Variants in SH2D4A observed in about 807,000 individuals in gnomAD.
SH2D4A encodes the protein SH2 domain-containing protein 4A.
A neutral mutation model predicts 64.7 loss-of-function variants in SH2D4A; 70 were observed. The ratio of observed to expected loss-of-function variants is 1.08; its 90% CI spans 0.89 to 1.32. The LOEUF is 1.32. Ranked by LOEUF, SH2D4A falls within the 40% of genes most tolerant of loss-of-function variation. SH2D4A has a pLI of 0.00. For missense variants in SH2D4A, 706 were observed against 540.1 expected (o/e 1.31, Z -3.04); for synonymous variants, 268 against 200.7 (o/e 1.34, Z -2.83).
At chr8:19,382,358 A>G (rs1585206781) in intron 8 of SH2D4A, among the ~76,000 whole-genome samples, 1 of 152,090 alleles carries the variant, frequency 6.6e-6, no homozygotes, top group Non-Finnish European at 1.5e-5. Flanking sequence ...TCCACTTACA[A>G]TGGTTTGACT....
At chr8:19,333,899 T>C (rs1348175477) in intron 3 of SH2D4A, among the ~76,000 whole-genome samples, 1 of 152,168 alleles carries the variant, frequency 6.6e-6, no homozygotes, top group Non-Finnish European at 1.5e-5. Context: ...CGGATGGTTC[T>C]TTGGGGAATG....
chr8:19,325,094 C>G (rs1418964322), intron 2 of SH2D4A, among the ~76,000 whole-genome samples: 1 of 152,136 alleles, frequency 6.6e-6, no homozygotes, highest in Non-Finnish European at 1.5e-5. Flanking sequence ...CCGGCGTCTG[C>G]TGGTCCTGCC....
chr8:19,317,447 G>A (rs1256762198), intron 1 of SH2D4A, among the ~76,000 whole-genome samples: 1 of 151,332 alleles, frequency 6.6e-6, no homozygotes, highest in African/African-American at 2.4e-5. Flanking sequence ...GGTTCCATTT[G>A]GATTCTGGTA....
intron 8 of SH2D4A, among the ~76,000 whole-genome samples, chr8:19,379,512 C>G (rs996347604): frequency 6.6e-6 from 1 of 152,166 alleles, no homozygotes; most frequent in African/African-American, 2.4e-5. Context: ...ACTCTGCTTT[C>G]AGTTCTTTTG....
chr8:19,393,988 A>C (rs966346859), intron 9 of SH2D4A, among the ~76,000 whole-genome samples: 3 of 152,112 alleles, frequency 2.0e-5, no homozygotes, highest in Non-Finnish European at 4.4e-5. Flanking sequence ...AGTTCAACAT[A>C]GTGTAGAATC....
At chr8:19,362,964 A>C (rs2052918447) in intron 6 of SH2D4A, among the ~76,000 whole-genome samples, 1 of 152,164 alleles carries the variant, frequency 6.6e-6, no homozygotes, top group Non-Finnish European at 1.5e-5. Flanking sequence ...ATCCCAGAGC[A>C]ACTTCCAGTC....
At chr8:19,324,064 A>G (rs1039526208) in intron 2 of SH2D4A, among the ~76,000 whole-genome samples, 3 of 152,234 alleles carry the variant, frequency 2.0e-5, no homozygotes, top group Admixed American at 2.0e-4. Context: ...CCTTCACTGG[A>G]CCTTAATGAC....
chr8:19,315,565 A>G (rs1008894823), intron 1 of SH2D4A, among the ~76,000 whole-genome samples: 6 of 152,252 alleles, frequency 3.9e-5, no homozygotes, highest in Admixed American at 6.5e-5. Context: ...AATCTATGGT[A>G]TCATGGAAAA....
intron 2 of SH2D4A, among the ~76,000 whole-genome samples, chr8:19,330,245 C>A (rs896456697): frequency 6.6e-6 from 1 of 152,174 alleles, no homozygotes; most frequent in South Asian, 2.1e-4. Flanking sequence ...AGAACAACTT[C>A]CCCCTCCTCC....
At chr8:19,314,170 G>A (rs2052045568) in intron 1 of SH2D4A, 2 of 941,248 alleles carry the variant, frequency 2.1e-6, no homozygotes, top group South Asian at 5.1e-5. Context: ...GACCTTCGGG[G>A]AAGTTCTGGA....
intron 3 of SH2D4A, 36 bp downstream of exon 3, chr8:19,333,150 C>T: frequency 6.3e-7 from 1 of 1,575,004 alleles, no homozygotes; most frequent in East Asian, 2.2e-5. Context: ...GACTTAAAGA[C>T]TCTCCAGACT....
intron 7 of SH2D4A, among the ~76,000 whole-genome samples, chr8:19,371,498 CTA>C (rs1223945477): frequency 6.6e-6 from 1 of 152,068 alleles, no homozygotes; most frequent in Admixed American, 6.6e-5. Context: ...TTAGGATCCT[CTA>C]TTTGTCTCTG....
chr8:19,369,740 CT>C (rs750455307), intron 7 of SH2D4A, among the ~76,000 whole-genome samples: 3 of 151,798 alleles, frequency 2.0e-5, no homozygotes, highest in Non-Finnish European at 4.4e-5. Context: ...TGTAGCTAAA[CT>C]TATGTGAGTT....
intron 4 of SH2D4A, among the ~76,000 whole-genome samples, chr8:19,349,570 G>A (rs1023378524): frequency 1.3e-4 from 20 of 152,188 alleles, no homozygotes; most frequent in African/African-American, 4.1e-4. Context: ...TTCCTGAGTC[G>A]GGAGATTTGT....
At chr8:19,341,082 A>T (rs1471416258) in intron 4 of SH2D4A, among the ~76,000 whole-genome samples, 1 of 152,178 alleles carries the variant, frequency 6.6e-6, no homozygotes, top group Non-Finnish European at 1.5e-5. Flanking sequence ...TCATTTTTGT[A>T]TGTCTACTTT....
At chr8:19,365,319 T>C (rs1399087236) in intron 7 of SH2D4A, among the ~76,000 whole-genome samples, 1 of 152,124 alleles carries the variant, frequency 6.6e-6, no homozygotes, top group Non-Finnish European at 1.5e-5. Flanking sequence ...GTGGAGTAAG[T>C]GGAAATAATT....
intron 6 of SH2D4A, 129 bp from the exon 7 acceptor site, chr8:19,363,943 G>A (rs1234488151): frequency 1.2e-6 from 1 of 800,052 alleles, no homozygotes; most frequent in South Asian, 1.8e-5. Flanking sequence ...GATAATGATT[G>A]TTCCTTATTA....
chr8:19,394,610 C>G lies in SH2D4A; in HGVS notation c.1333C>G (p.Gln445Glu). 1 of 1,611,160 alleles carries G rather than the reference C, an allele frequency of 6.2e-7. No homozygotes were observed. Among genetic ancestry groups the G allele is most frequent in the Non-Finnish European group, 8.5e-7 (1 of 1,178,330 alleles). Residue 445 changes from glutamine to glutamate, a missense_variant, in exon 10 of 10, where the codon CAG (glutamine) becomes GAG (glutamate). Gln to Glu is a conservative substitution (Grantham distance 29). Coordinates refer to ENST00000265807, the MANE Select transcript of SH2D4A (RefSeq NM_022071.4). ...TCTCTATCCCTGTGGTCAGCAGGAC[C>G]AGCTGCCTGACTACCTGGAGCTGTT... ...LLLYPCGQQD[Q>E]LPDYLELFE
chr8:19,317,101 G>T (rs2117163917), intron 1 of SH2D4A, among the ~76,000 whole-genome samples: 1 of 152,324 alleles, frequency 6.6e-6, no homozygotes, highest in East Asian at 1.9e-4. Context: ...CTCAACCCCA[G>T]CTGAACTGTT....
Sources: allele counts gnomAD v4.1 joint callset (sites outside exome capture counted in the v4.1 genomes callset), GRCh38; gene constraint gnomAD v4.1.1; transcripts MANE v1.5; gene names NCBI Gene and HGNC (gene_info 2026-07-23, HGNC 2026-07-21).